The following LRRC49 variants were observed in gnomAD, a reference collection of about 807,000 sequenced individuals.
LRRC49 encodes the protein leucine-rich repeat-containing protein 49.
LRRC49 carries 50 observed loss-of-function variants against 83.3 expected under a neutral mutation model. The observed-to-expected ratio is 0.60, with a 90% CI of 0.48 to 0.76. The LOEUF (loss-of-function observed/expected upper bound fraction) is 0.76, where lower values mean the gene tolerates loss of function less well. LRRC49 is among the 30% of genes least tolerant of loss of function. The probability of loss-of-function intolerance (pLI) is 0.00; values close to 1 mark genes in which losing one functional copy is unlikely to be tolerated. For missense variants in LRRC49, 704 were observed against 809.1 expected (o/e 0.87, Z 1.58); for synonymous variants, 286 against 283.3 (o/e 1.01, Z -0.10).
At chr15:71,017,014 G>A (rs1030169841) in intron 14 of LRRC49, among the ~76,000 whole-genome samples, 1 of 152,006 alleles carries the variant, frequency 6.6e-6, no homozygotes, top group Non-Finnish European at 1.5e-5. Context: ...CTTGAGGCAG[G>A]AGGGAGAATC....
intron 1 of LRRC49, chr15:70,853,637 C>A (rs1595959542): frequency 6.5e-6 from 2 of 308,566 alleles, no homozygotes; most frequent in East Asian, 1.0e-4. Flanking sequence ...AACATCCCCA[C>A]GTCCAGGCCC....
chr15:71,026,964 A>G (rs1045523616), intron 14 of LRRC49, among the ~76,000 whole-genome samples: 2 of 152,074 alleles, frequency 1.3e-5, no homozygotes, highest in African/African-American at 2.4e-5. Context: ...CCATTTGTCA[A>G]TTTTGGCTTT....
chr15:71,045,055 TA>T (rs1447219918), intron 15 of LRRC49, among the ~76,000 whole-genome samples: 2 of 151,684 alleles, frequency 1.3e-5, no homozygotes, highest in African/African-American at 4.8e-5. Flanking sequence ...CACACCTGGC[TA>T]ATTTTTTTTG....
At position 71,044,097 on chromosome 15, in the gene LRRC49, T is replaced by C. The variant is rs1354734560; in HGVS notation, c.1858-5312T>C. ...TTGTCCTTCTTTGTAGGAGTTCCTATGTAGTCCAGATTTACTGAGTGCGAA... is the reference window on the plus strand; with the variant it reads ...TTGTCCTTCTTTGTAGGAGTTCCTACGTAGTCCAGATTTACTGAGTGCGAA... On this transcript the variant is annotated intron_variant, in intron 15 of 15. Transcript: ENST00000260382. Among the ~76,000 whole-genome samples, 4 of 152,234 alleles carry C rather than the reference T, an allele frequency of 2.6e-5. No homozygotes were observed. The South Asian group carries it at 8.3e-4, about 31-fold the overall frequency.
chr15:70,858,934 G>A, intron 1 of LRRC49: 1 of 790,478 alleles, frequency 1.3e-6, no homozygotes. Context: ...AGCCTGCTGA[G>A]CCCTCTTAAC....
rs557569410 is a variant in LRRC49 at position 70,861,784 on chromosome 15, G to T, written c.-299+8315G>T. Among the ~76,000 whole-genome samples, 27 of 152,298 alleles carry T rather than the reference G, an allele frequency of 1.8e-4. No homozygotes were observed. The South Asian group carries it at 2.9e-3, about 16-fold the overall frequency. Reference sequence around the variant, plus strand: ...AAAATAGATGGAGACCCTTAGCCGGGCATGGTGGTGTGCGCCTGTAGTCCT... The same window carrying T: ...AAAATAGATGGAGACCCTTAGCCGGTCATGGTGGTGTGCGCCTGTAGTCCT... On this transcript the variant is annotated intron_variant, in intron 1 of 16. Coordinates refer to the LRRC49 transcript ENST00000544974.
rs376001005 is a variant in LRRC49 at position 70,892,894 on chromosome 15, C to T, written c.-1C>T. The T allele has an allele frequency of 5.2e-5, 84 of 1,614,098 alleles. No individual in the cohort carries two copies. The highest frequency in any genetic ancestry group is 6.8e-5 in the Non-Finnish European group (80 of 1,180,050). Reference sequence around the variant, plus strand: ...ACAGAGAACCTGGACTGTCTCCTATCATGATTCCCGGGAAATATCGCTCTG... The same window carrying T: ...ACAGAGAACCTGGACTGTCTCCTATTATGATTCCCGGGAAATATCGCTCTG... On this transcript the variant is annotated 5_prime_UTR_variant, in exon 1 of 16. Transcript: ENST00000260382.
intron 8 of LRRC49, among the ~76,000 whole-genome samples, chr15:70,957,427 C>A (rs941685619): frequency 2.4e-4 from 36 of 152,118 alleles, no homozygotes; most frequent in African/African-American, 8.2e-4. Context: ...ACTTAAATAT[C>A]ATGTTATCCT....
At chr15:70,996,239 C>A (rs1254745202) in intron 11 of LRRC49, among the ~76,000 whole-genome samples, 1 of 151,996 alleles carries the variant, frequency 6.6e-6, no homozygotes, top group Non-Finnish European at 1.5e-5. Context: ...TTACTTATAA[C>A]TTCTACTGGT....
chr15:70,961,445 A>C (rs1269498662), intron 8 of LRRC49, among the ~76,000 whole-genome samples: 1 of 152,220 alleles, frequency 6.6e-6, no homozygotes, highest in African/African-American at 2.4e-5. Context: ...AAAAAGTTGC[A>C]GGTGAATATT....
intron 11 of LRRC49, among the ~76,000 whole-genome samples, chr15:70,996,499 C>T (rs1416831177): frequency 6.6e-6 from 1 of 152,072 alleles, no homozygotes; most frequent in Non-Finnish European, 1.5e-5. Context: ...TGGCTACTCT[C>T]TCTTTTTTTT....
In LRRC49 at chr15:70,894,467, TA is replaced by T. The variant is rs556832897; in HGVS notation, c.105+828del. Reference sequence around the variant, plus strand: ...AATATGAGATTTTTTTCCCCAAGATTATTTCCCCATAATGTCTCTAGCATTT... The same window carrying T: ...AATATGAGATTTTTTTCCCCAAGATTTTTCCCCATAATGTCTCTAGCATTT... On this transcript the variant is annotated intron_variant, in intron 2 of 15. Transcript: ENST00000260382. 298 of 345,722 alleles carry T rather than the reference TA, an allele frequency of 8.6e-4. 6 individuals carry two copies. Among genetic ancestry groups the T allele is most frequent in the South Asian group, 7.2e-3 (288 of 39,844 alleles). 21.4% of individuals were successfully genotyped at this position (345,722 alleles called of 1,614,324 possible).
At chr15:71,010,810 A>G (rs905579501) in intron 13 of LRRC49, among the ~76,000 whole-genome samples, 5 of 148,700 alleles carry the variant, frequency 3.4e-5, no homozygotes, top group East Asian at 1.9e-4. Context: ...CCTCCAGAGG[A>G]AAAAAAAAAC....
At chr15:70,981,496 T>TA (rs568061143) in intron 10 of LRRC49, among the ~76,000 whole-genome samples, 1,585 of 144,614 alleles carry the variant, frequency 0.011, 16 homozygotes, top group Middle Eastern at 0.038. Context: ...AAGTATAATT[T>TA]AAAAAAAAAA....
At chr15:70,983,496 C>T (rs1213830792) in intron 10 of LRRC49, among the ~76,000 whole-genome samples, 1 of 152,154 alleles carries the variant, frequency 6.6e-6, no homozygotes, top group Non-Finnish European at 1.5e-5. Context: ...CTTTCCTACT[C>T]ATCTGGAATG....
chr15:70,989,853 A>G (rs1475534012), intron 11 of LRRC49, among the ~76,000 whole-genome samples: 1 of 152,208 alleles, frequency 6.6e-6, no homozygotes. Flanking sequence ...TCTAACAGAC[A>G]GGACCCTCAG....
intron 11 of LRRC49, among the ~76,000 whole-genome samples, chr15:71,002,859 CAG>C (rs779807980): frequency 5.2e-4 from 77 of 149,088 alleles, no homozygotes; most frequent in Middle Eastern, 3.6e-3. Context: ...GCTGGGCTTT[CAG>C]AGTCATTATT....
At chr15:71,006,409 A>G (rs558781252) in intron 11 of LRRC49, among the ~76,000 whole-genome samples, 1 of 152,024 alleles carries the variant, frequency 6.6e-6, no homozygotes, top group Non-Finnish European at 1.5e-5. Flanking sequence ...CTGATTCCCC[A>G]TCATTTTTAC....
At chr15:71,023,687 G>T (rs1016944750) in intron 14 of LRRC49, among the ~76,000 whole-genome samples, 10 of 152,184 alleles carry the variant, frequency 6.6e-5, no homozygotes, top group Non-Finnish European at 1.0e-4. Context: ...ATTTTTCCAT[G>T]GATCTGTGCA....
Sources: gnomAD v4.1 joint callset for allele counts (sites outside exome capture counted in the v4.1 genomes callset) on GRCh38, gnomAD v4.1.1 for gene constraint, MANE v1.5 for transcripts, NCBI Gene and HGNC (gene_info 2026-07-23, HGNC 2026-07-21) for gene names.